The following KHDRBS3 variants were observed in gnomAD, a reference collection of about 807,000 sequenced individuals.
KHDRBS3 encodes the protein KH domain-containing, RNA-binding, signal transduction-associated protein 3.
Under a neutral mutation model 45.6 loss-of-function variants are expected in KHDRBS3, and 23 were observed. The ratio of observed to expected loss-of-function variants is 0.50; its 90% CI spans 0.36 to 0.72. The LOEUF is 0.72. Ranked by LOEUF, KHDRBS3 falls within the 30% of genes least tolerant of loss-of-function variation. The probability of loss-of-function intolerance (pLI) is 0.00; values close to 1 mark genes in which losing one functional copy is unlikely to be tolerated. For synonymous variants in KHDRBS3, 162 were observed against 156.5 expected (o/e 1.04, Z -0.26); for missense variants, 352 against 424.8 (o/e 0.83, Z 1.51).
intron 1 of KHDRBS3, among the ~76,000 whole-genome samples, chr8:135,479,761 A>C (rs1420941531): frequency 6.6e-6 from 1 of 152,202 alleles, no homozygotes; most frequent in East Asian, 1.9e-4. Flanking sequence ...CAACATATGA[A>C]TATTGCGGGG....
chr8:135,638,503 A>C (rs2131170568), intron 7 of KHDRBS3, among the ~76,000 whole-genome samples: 1 of 152,364 alleles, frequency 6.6e-6, no homozygotes, highest in Non-Finnish European at 1.5e-5. Context: ...CATTTAAGAA[A>C]CATCATACTC....
At chr8:135,582,271 A>G (rs1450128554) in intron 6 of KHDRBS3, among the ~76,000 whole-genome samples, 198 bp downstream of exon 6, 2 of 152,196 alleles carry the variant, frequency 1.3e-5, no homozygotes, top group Non-Finnish European at 2.9e-5. Context: ...TTTTTCATCA[A>G]ATAGTTTAAA....
Position 135,457,854 on chromosome 8 carries a change from G to A in KHDRBS3, c.-13G>A. The A allele has an allele frequency of 6.4e-7, 1 of 1,561,442 alleles. No individual in the cohort carries two copies. Among genetic ancestry groups the A allele is most frequent in the South Asian group, 1.2e-5 (1 of 85,700 alleles). On this transcript the variant is annotated 5_prime_UTR_variant, in exon 1 of 9. Coordinates refer to ENST00000355849, the MANE Select transcript of KHDRBS3 (RefSeq NM_006558.3). This position sits in a 1 kb window ranked among gnomAD's most constrained non-coding sequence, Gnocchi z 4.4. The stretch of plus-strand genomic sequence containing the variant: ...GCCTGGAGTCCACATCCCGGGCCCG[G>A]CGGCCGGCGAGCATGGAGGAGAAGT...
At chr8:135,499,893 C>T (rs1207959507) in intron 1 of KHDRBS3, among the ~76,000 whole-genome samples, 1 of 151,984 alleles carries the variant, frequency 6.6e-6, no homozygotes, top group Non-Finnish European at 1.5e-5. Flanking sequence ...CCCTTCTAAC[C>T]CCACAAAATT....
At chr8:135,610,283 C>T (rs755091834) in intron 7 of KHDRBS3, among the ~76,000 whole-genome samples, 8 of 151,828 alleles carry the variant, frequency 5.3e-5, no homozygotes, top group Non-Finnish European at 1.0e-4. Flanking sequence ...TGTTTTAATA[C>T]AAATGACAAC....
intron 6 of KHDRBS3, among the ~76,000 whole-genome samples, chr8:135,591,371 AT>A (rs1828736029): frequency 6.6e-6 from 1 of 152,228 alleles, no homozygotes; most frequent in African/African-American, 2.4e-5. Flanking sequence ...AGGATGTCTT[AT>A]TTCCTCATAG....
intron 1 of KHDRBS3, among the ~76,000 whole-genome samples, chr8:135,506,185 T>C (rs1482339538): frequency 2.6e-5 from 4 of 152,206 alleles, no homozygotes; most frequent in African/African-American, 9.7e-5. Flanking sequence ...AATATCATCA[T>C]TTATTCACTT....
chr8:135,513,716 C>A (rs954599903), intron 1 of KHDRBS3, among the ~76,000 whole-genome samples: 1 of 152,124 alleles, frequency 6.6e-6, no homozygotes, highest in African/African-American at 2.4e-5. Flanking sequence ...TTTTGGGGGC[C>A]AGAGTACCAA....
intron 2 of KHDRBS3, chr8:135,538,544 C>T (rs1369123887): frequency 6.6e-6 from 1 of 152,120 alleles, no homozygotes. Context: ...CAGGGCTGCT[C>T]AGGTAAAATT....
At chr8:135,476,026 T>A (rs1481447871) in intron 1 of KHDRBS3, among the ~76,000 whole-genome samples, 1 of 152,228 alleles carries the variant, frequency 6.6e-6, no homozygotes, top group Non-Finnish European at 1.5e-5. Flanking sequence ...GGACAATCTG[T>A]GTAGTATTCA....
At chr8:135,521,472 C>A in intron 2 of KHDRBS3, 117 bp downstream of exon 2, 1 of 583,004 alleles carries the variant, frequency 1.7e-6, no homozygotes. Flanking sequence ...TCCCCCTACA[C>A]ACACTTTTAA....
At chr8:135,483,922 T>C (rs1442673678) in intron 1 of KHDRBS3, among the ~76,000 whole-genome samples, 2 of 152,182 alleles carry the variant, frequency 1.3e-5, no homozygotes, top group East Asian at 1.9e-4. Flanking sequence ...AAGATGACTT[T>C]GAATGTTCAC....
intron 6 of KHDRBS3, among the ~76,000 whole-genome samples, chr8:135,594,282 A>G (rs914237378): frequency 6.6e-6 from 1 of 152,226 alleles, no homozygotes; most frequent in African/African-American, 2.4e-5. Flanking sequence ...ATGTTCTTAT[A>G]GTGTGGCATT....
chr8:135,618,006 C>T (rs138121314), intron 7 of KHDRBS3, among the ~76,000 whole-genome samples: 35 of 152,230 alleles, frequency 2.3e-4, no homozygotes, highest in African/African-American at 8.2e-4. Flanking sequence ...TCCCCAGAAT[C>T]GATTCATACC....
At chr8:135,496,139 T>A (rs979223910) in intron 1 of KHDRBS3, among the ~76,000 whole-genome samples, 1 of 142,144 alleles carries the variant, frequency 7.0e-6, no homozygotes, top group Non-Finnish European at 1.5e-5. Context: ...GGATCTAGTA[T>A]GAGAAAGCAG....
chr8:135,628,628 G>C (rs1830471403), intron 7 of KHDRBS3, among the ~76,000 whole-genome samples: 1 of 152,294 alleles, frequency 6.6e-6, no homozygotes, highest in African/African-American at 2.4e-5. Flanking sequence ...TGTCTCATGT[G>C]ACTGTGACCT....
Position 135,564,891 on chromosome 8 carries a change from C to T in KHDRBS3, c.611+7304C>T, listed in dbSNP as rs376181486. ...GTTTGGCTGCTGGCTGCTCACTGCT[C>T]AAAAGCCAGACACAAGACGCAAACA... On this transcript the variant is annotated intron_variant, in intron 5 of 8. Transcript: ENST00000355849. Among the ~76,000 whole-genome samples, 19 of 152,106 alleles carry T rather than the reference C, an allele frequency of 1.2e-4. No homozygotes were observed. In the East Asian group the frequency reaches 2.3e-3, roughly 18 times the overall value.
chr8:135,510,619 G>C (rs2130577105), intron 1 of KHDRBS3, among the ~76,000 whole-genome samples: 1 of 152,290 alleles, frequency 6.6e-6, no homozygotes, highest in South Asian at 2.1e-4. Flanking sequence ...ATTTTTAGTA[G>C]AGACAGGGTT....
chr8:135,472,739 A>C (rs914045275), intron 1 of KHDRBS3, among the ~76,000 whole-genome samples: 2 of 152,100 alleles, frequency 1.3e-5, no homozygotes, highest in African/African-American at 4.8e-5. Flanking sequence ...CTGAACAGGG[A>C]GGTTGAAACG....
Sources: gnomAD v4.1 joint callset for allele counts (sites outside exome capture counted in the v4.1 genomes callset) on GRCh38, gnomAD v4.1.1 for gene constraint, Gnocchi (gnomAD v3.1) non-coding constraint, MANE v1.5 for transcripts, NCBI Gene and HGNC (gene_info 2026-07-23, HGNC 2026-07-21) for gene names.